The following PDHX variants were observed in gnomAD, a reference collection of about 807,000 sequenced individuals.
PDHX encodes the protein pyruvate dehydrogenase complex component X.
Under a neutral mutation model 55.3 loss-of-function variants are expected in PDHX, and 33 were observed. The observed-to-expected ratio is 0.60, with a 90% CI of 0.45 to 0.80. PDHX has a LOEUF of 0.80. PDHX is among the 30% of genes least tolerant of loss of function. The pLI, the probability that PDHX is intolerant of heterozygous loss-of-function variation, is 0.00. For missense variants in PDHX, 622 were observed against 619.9 expected, an observed-to-expected ratio of 1.00 and a Z score of -0.04; for synonymous variants, 226 against 219.4, an observed-to-expected ratio of 1.03 and a Z score of -0.27.
chr11:34,916,063 T>G (rs1590720157), upstream of PDHX: 1 of 915,784 alleles, frequency 1.1e-6, no homozygotes, highest in East Asian at 2.8e-5. Flanking sequence ...CAGCCTTGCT[T>G]CCGAACGCCA....
At chr11:34,936,166 G>A (rs1854305749) in intron 2 of PDHX, among the ~76,000 whole-genome samples, 1 of 152,132 alleles carries the variant, frequency 6.6e-6, no homozygotes, top group Admixed American at 6.6e-5. Context: ...GGGAGTCTGG[G>A]GTGTAAGGAA....
At chr11:34,991,924 A>G (rs1230016720) in intron 9 of PDHX, among the ~76,000 whole-genome samples, 4 of 151,210 alleles carry the variant, frequency 2.6e-5, no homozygotes, top group Middle Eastern at 3.2e-3. Flanking sequence ...AAAAAAAAAA[A>G]AAAACTAAAA....
chr11:34,929,025 A>G (rs1318451318), intron 1 of PDHX, among the ~76,000 whole-genome samples: 1 of 152,194 alleles, frequency 6.6e-6, no homozygotes, highest in Non-Finnish European at 1.5e-5. Flanking sequence ...AATTCAGTGA[A>G]ACTGTTTCAG....
At chr11:34,958,288 C>CT (rs1252617881) in intron 4 of PDHX, among the ~76,000 whole-genome samples, 1 of 151,860 alleles carries the variant, frequency 6.6e-6, no homozygotes, top group African/African-American at 2.4e-5. Context: ...ATCCACAGTG[C>CT]TTTTTTTAGG....
At chr11:34,925,116 T>C (rs963795178) in intron 1 of PDHX, among the ~76,000 whole-genome samples, 2 of 152,386 alleles carry the variant, frequency 1.3e-5, no homozygotes, top group African/African-American at 4.8e-5. Context: ...CTAATTTATC[T>C]CACGGTATGT....
At chr11:34,925,013 T>A (rs1464228907) in intron 1 of PDHX, among the ~76,000 whole-genome samples, 1 of 152,232 alleles carries the variant, frequency 6.6e-6, no homozygotes, top group Non-Finnish European at 1.5e-5. Context: ...TATGCACAAT[T>A]GAGGATTGTC....
chr11:34,918,196 G>A (rs999815341), intron 1 of PDHX, among the ~76,000 whole-genome samples: 1 of 151,948 alleles, frequency 6.6e-6, no homozygotes, highest in African/African-American at 2.4e-5. Context: ...CCAGCACTTT[G>A]GGAGGCGAAG....
chr11:34,939,178 G>C (rs12294125), intron 2 of PDHX, among the ~76,000 whole-genome samples: 28,651 of 152,026 alleles, frequency 0.19, 3,881 homozygotes, highest in African/African-American at 0.39. Context: ...TATTCTGACA[G>C]CATACTTTTC....
chr11:34,946,547 G>A (rs528284577), intron 2 of PDHX, among the ~76,000 whole-genome samples: 18 of 152,060 alleles, frequency 1.2e-4, no homozygotes, highest in Non-Finnish European at 2.4e-4. Flanking sequence ...GTCCCCCCTC[G>A]ATCCTTGCCA....
chr11:34,976,647 G>A (rs1855381665), intron 7 of PDHX, among the ~76,000 whole-genome samples: 1 of 152,174 alleles, frequency 6.6e-6, no homozygotes, highest in South Asian at 2.1e-4. Context: ...GAATAAAAAT[G>A]AGTGAGTGGG....
At position 34,956,107 on chromosome 11, in the gene PDHX, G is replaced by A. The variant is rs368779283; in HGVS notation, c.343-1277G>A. Among the ~76,000 whole-genome samples, 72 of 152,028 alleles carry A rather than the reference G, an allele frequency of 4.7e-4. 1 individual carries two copies. The highest frequency in any genetic ancestry group is 1.6e-3 in the African/African-American group (67 of 41,490). On this transcript the variant is annotated intron_variant, in intron 3 of 10. Transcript: ENST00000227868. ...CAGAAGCAAAATTTTTTAGTATGTG[G>A]CAAACAACTAAGCAACTAGATTTTT...
chr11:34,916,503 TGGAGGCGGGGCTGGGTTGG>T (rs946156648), upstream of PDHX: 4 of 1,440,180 alleles, frequency 2.8e-6, no homozygotes, highest in Non-Finnish European at 3.6e-6. Context: ...CCAACGTGGT[TGGAGGCGGGGCTGGGTTGG>T]GGGGCGGGGG....
intron 9 of PDHX, among the ~76,000 whole-genome samples, 180 bp from the exon 10 acceptor site, chr11:34,992,135 T>C (rs1246224328): frequency 6.6e-6 from 1 of 152,164 alleles, no homozygotes; most frequent in Non-Finnish European, 1.5e-5. Context: ...AGCTTTAGTT[T>C]CTTGAATTAT....
At chr11:34,941,263 C>T (rs977301382) in intron 2 of PDHX, among the ~76,000 whole-genome samples, 2 of 152,200 alleles carry the variant, frequency 1.3e-5, no homozygotes, top group African/African-American at 4.8e-5. Context: ...GGATGACAAA[C>T]ACTGACTAGG....
intron 2 of PDHX, among the ~76,000 whole-genome samples, chr11:34,935,302 A>G (rs1314408590): frequency 6.6e-6 from 1 of 152,220 alleles, no homozygotes; most frequent in Non-Finnish European, 1.5e-5. Flanking sequence ...AATACCATCT[A>G]TAAAGCTGTA....
intron 1 of PDHX, among the ~76,000 whole-genome samples, chr11:34,922,993 A>C (rs1853929354): frequency 6.6e-6 from 1 of 151,934 alleles, no homozygotes; most frequent in Non-Finnish European, 1.5e-5. Context: ...GTAGAATTTT[A>C]ATTTTATAGT....
intron 10 of PDHX, 30 bp from the exon 11 acceptor site, chr11:34,994,884 C>T: frequency 2.5e-6 from 4 of 1,613,114 alleles, no homozygotes; most frequent in Non-Finnish European, 3.4e-6. Flanking sequence ...AAGGACATGC[C>T]TCCTTCAGAG....
chr11:34,928,397 C>T lies in PDHX; in HGVS notation c.161-3007C>T, dbSNP rs76489517. ...TTTTTTTTTTTTAAGCCTTTGTTTT[C>T]GAAAAGAGGCTGGCCTCTTACCGTG... On this transcript the variant is annotated intron_variant, in intron 1 of 10. Coordinates refer to ENST00000227868, the MANE Select transcript of PDHX (RefSeq NM_003477.3). 4.5e-4 allele frequency among the ~76,000 whole-genome samples: 66 copies of T among 146,848 alleles called. No individual in the cohort carries two copies. In the East Asian group the frequency reaches 9.2e-3, roughly 21 times the overall value.
chr11:34,994,161 T>C (rs1855813083), intron 10 of PDHX, among the ~76,000 whole-genome samples: 1 of 152,168 alleles, frequency 6.6e-6, no homozygotes, highest in African/African-American at 2.4e-5. Context: ...TCATAGAGTG[T>C]ACTTACACAA....
Sources: allele counts gnomAD v4.1 joint callset (sites outside exome capture counted in the v4.1 genomes callset), GRCh38; gene constraint gnomAD v4.1.1; transcripts MANE v1.5; gene names NCBI Gene and HGNC (gene_info 2026-07-23, HGNC 2026-07-21).